The following CCDC62 variants were observed in gnomAD, a reference collection of about 807,000 sequenced individuals.
The protein encoded by CCDC62 is coiled-coil domain containing 62, also known as coiled-coil domain-containing protein 62.
A neutral mutation model predicts 80.8 loss-of-function variants in CCDC62; 72 were observed. That is an observed-to-expected ratio of 0.89 (90% CI 0.74 to 1.08). The LOEUF (loss-of-function observed/expected upper bound fraction) is 1.08, where lower values mean the gene tolerates loss of function less well. Among genes scored for constraint, CCDC62 ranks in the 50% least tolerant of loss-of-function variants. CCDC62 has a pLI of 0.00. For synonymous variants in CCDC62, 286 were observed against 296.5 expected (o/e 0.96, Z 0.36); for missense variants, 704 against 809.4 (o/e 0.87, Z 1.58).
At chr12:122,816,273 T>C (rs936704815) in intron 11 of CCDC62, among the ~76,000 whole-genome samples, 1 of 152,202 alleles carries the variant, frequency 6.6e-6, no homozygotes. Flanking sequence ...TGCATTTATA[T>C]TGGGGCAGAG....
intron 3 of CCDC62, among the ~76,000 whole-genome samples, chr12:122,783,116 G>A (rs2029969228): frequency 8.3e-6 from 1 of 120,150 alleles, no homozygotes; most frequent in Non-Finnish European, 2.0e-5. Flanking sequence ...CAAAAAAAAA[G>A]ATGGATTTTT....
Position 122,792,120 on chromosome 12 carries a change from T to C in CCDC62, c.771T>C (p.Thr257=), listed in dbSNP as rs765939861. Residue 257 remains threonine, a splice_region_variant and synonymous_variant, in exon 6 of 13, where the codon ACT becomes ACC. Coordinates refer to ENST00000253079, the MANE Select transcript of CCDC62 (RefSeq NM_201435.5). ...GCCTGCACGATGAATTGCTTTTTAC[T>C]GGTAAAACAGATGATCGAATGTATT... The part of the protein sequence containing the change: ...KSCLHDELLF[T]VEREKRKDEL... The C allele has an allele frequency of 6.3e-7, 1 of 1,577,210 alleles. No individual in the cohort carries two copies. The highest frequency in any genetic ancestry group is 8.7e-7 in the Non-Finnish European group (1 of 1,146,674).
chr12:122,812,756 G>GGAGA lies in CCDC62; in HGVS notation c.1852-493_1852-490dup, dbSNP rs551370561. 3.3e-3 allele frequency among the ~76,000 whole-genome samples: 294 copies of GGAGA among 88,834 alleles called. 13 individuals carry two copies. Among genetic ancestry groups the GGAGA allele is most frequent in the African/African-American group, 0.013 (284 of 21,926 alleles). 58.3% of individuals were successfully genotyped at this position (88,834 alleles called of 152,430 possible). A position where few individuals can be genotyped will look rare whatever the true frequency, so the allele number is the denominator to read the frequency against. ...AAAAAAGAAAGAGAGAGAGAGGGAG[G>GGAGA]GAGAGAGAGAGAGAGAGAGAGAGAA... On this transcript the variant is annotated intron_variant, in intron 10 of 12. Transcript: ENST00000253079.
chr12:122,825,254 C>G (rs2032568940), intron 12 of CCDC62, among the ~76,000 whole-genome samples: 2 of 151,446 alleles, frequency 1.3e-5, no homozygotes, highest in Non-Finnish European at 2.9e-5. Context: ...CAGCTCACTG[C>G]AACCTCCACC....
intron 12 of CCDC62, among the ~76,000 whole-genome samples, chr12:122,824,901 A>G (rs1428635616): frequency 2.0e-5 from 3 of 152,004 alleles, no homozygotes; most frequent in Non-Finnish European, 4.4e-5. Context: ...CCTGGCCAAC[A>G]TGGTGAAACC....
chr12:122,822,060 A>AACACACACACAC (rs58108370), intron 11 of CCDC62, among the ~76,000 whole-genome samples: 21,965 of 115,628 alleles, frequency 0.19, 2,690 homozygotes, highest in East Asian at 0.27. Context: ...TATAAATTTA[A>AACACACACACAC]ACACACACAC....
chr12:122,801,690 G>A lies in CCDC62; in HGVS notation c.1544G>A (p.Cys515Tyr). Residue 515 changes from cysteine (C) to tyrosine (Y), a missense_variant, in exon 9 of 13, where the codon TGC becomes TAC. By Grantham distance (194) the Cys-to-Tyr change is radical. Transcript: ENST00000253079. ...GAAAGTGGCATGTGTGACTCCAAGT[G>A]CTGCCACCCGAGTAACTTCATAATT... ...LGESGMCDSK[C>Y]CHPSNFIIEA... 1 of 1,614,168 alleles carries A rather than the reference G, an allele frequency of 6.2e-7. No individual in the cohort carries two copies. Among genetic ancestry groups the A allele is most frequent in the Non-Finnish European group, 8.5e-7 (1 of 1,180,042 alleles).
intron 10 of CCDC62, among the ~76,000 whole-genome samples, chr12:122,806,733 G>A (rs2031625604): frequency 6.6e-6 from 1 of 151,172 alleles, no homozygotes. Flanking sequence ...TCTTGCCTTG[G>A]CCTCCCAAAG....
intron 2 of CCDC62, among the ~76,000 whole-genome samples, chr12:122,780,933 G>C (rs572124128): frequency 1.3e-5 from 2 of 152,200 alleles, no homozygotes; most frequent in Non-Finnish European, 2.9e-5. Context: ...GGTTGGGAAC[G>C]CGGAAACTGG....
chr12:122,822,766 T>C (rs573863848), intron 11 of CCDC62, among the ~76,000 whole-genome samples: 8 of 152,080 alleles, frequency 5.3e-5, no homozygotes, highest in Admixed American at 2.0e-4. Context: ...CGCAGTCTAA[T>C]GTCCTCCAGG....
chr12:122,819,874 G>A (rs1221692760), intron 11 of CCDC62, among the ~76,000 whole-genome samples: 1 of 151,680 alleles, frequency 6.6e-6, no homozygotes, highest in Non-Finnish European at 1.5e-5. Context: ...GGGCAACATA[G>A]CTAGGCCCTG....
intron 11 of CCDC62, among the ~76,000 whole-genome samples, chr12:122,822,090 C>CACACACACACA (rs58333409): frequency 1.3e-4 from 16 of 119,182 alleles, no homozygotes; most frequent in Non-Finnish European, 1.7e-4. Flanking sequence ...CACACACACA[C>CACACACACACA]GACATTATTT....
chr12:122,810,290 C>T (rs1593822034), intron 10 of CCDC62, among the ~76,000 whole-genome samples: 1 of 152,076 alleles, frequency 6.6e-6, no homozygotes, highest in East Asian at 1.9e-4. Flanking sequence ...GGCTAATATC[C>T]AGAATCTACA....
chr12:122,782,073 G>A (rs1371405850), intron 3 of CCDC62, among the ~76,000 whole-genome samples: 2 of 150,664 alleles, frequency 1.3e-5, no homozygotes, highest in East Asian at 1.9e-4. Context: ...AGTGGTGTAC[G>A]CCTGTAGTCC....
chr12:122,806,408 T>G (rs2031607117), intron 10 of CCDC62, 113 bp downstream of exon 10: 5 of 427,198 alleles, frequency 1.2e-5, no homozygotes, highest in East Asian at 5.1e-5. Context: ...TCCTCCGTTT[T>G]TTTTTTTTTT....
At chr12:122,818,931 T>C (rs1448879875) in intron 11 of CCDC62, among the ~76,000 whole-genome samples, 1 of 152,124 alleles carries the variant, frequency 6.6e-6, no homozygotes, top group Non-Finnish European at 1.5e-5. Flanking sequence ...TCAAAAAATA[T>C]ATTTTTTTCA....
chr12:122,791,936 G>C, intron 5 of CCDC62, 84 bp from the exon 6 acceptor site: 1 of 883,956 alleles, frequency 1.1e-6, no homozygotes, highest in Non-Finnish European at 1.9e-6. Flanking sequence ...GAGCCGCTGA[G>C]GATGTGAGAG....
intron 3 of CCDC62, among the ~76,000 whole-genome samples, chr12:122,783,842 T>G (rs999112751): frequency 6.6e-6 from 1 of 152,186 alleles, no homozygotes; most frequent in African/African-American, 2.4e-5. Context: ...ACGATCGACC[T>G]CCACACCGGG....
intron 10 of CCDC62, among the ~76,000 whole-genome samples, chr12:122,809,349 G>T (rs2031766960): frequency 6.6e-6 from 1 of 151,774 alleles, no homozygotes; most frequent in South Asian, 2.1e-4. Context: ...AATTAGCCAG[G>T]TGTTGTAGCT....
Sources: allele counts gnomAD v4.1 joint callset (sites outside exome capture counted in the v4.1 genomes callset), GRCh38; gene constraint gnomAD v4.1.1; transcripts MANE v1.5; gene names NCBI Gene and HGNC (gene_info 2026-07-23, HGNC 2026-07-21).